The following ADAM7 variants were observed in gnomAD, a reference collection of about 807,000 sequenced individuals.
The protein encoded by ADAM7 is disintegrin and metalloproteinase domain-containing protein 7.
Under a neutral mutation model 102.9 loss-of-function variants are expected in ADAM7, and 97 were observed. The observed-to-expected ratio is 0.94, with a 90% confidence interval of 0.80 to 1.12. ADAM7 has a LOEUF of 1.12. ADAM7 is among the 50% of genes most tolerant of loss of function. The probability of loss-of-function intolerance (pLI) is 0.00; values close to 1 mark genes in which losing one functional copy is unlikely to be tolerated. For missense variants in ADAM7, 991 were observed against 908.7 expected (o/e 1.09, Z -1.16); for synonymous variants, 334 against 304.4 (o/e 1.10, Z -1.01).
chr8:24,476,358 T>A, intron 7 of ADAM7, 75 bp from the exon 8 acceptor site: 1 of 1,111,196 alleles, frequency 9.0e-7, no homozygotes, highest in East Asian at 2.6e-5. Flanking sequence ...TAATAGCTGA[T>A]GAATGAAGTA....
intron 17 of ADAM7, among the ~76,000 whole-genome samples, chr8:24,499,891 A>G (rs1820695670): frequency 6.6e-6 from 1 of 151,914 alleles, no homozygotes; most frequent in Non-Finnish European, 1.5e-5. Flanking sequence ...TATATATCAT[A>G]TATTTACCTG....
In ADAM7 at chr8:24,446,070, A is replaced by G. The variant is rs147241592; in HGVS notation, c.157-1116A>G. 8.9e-3 allele frequency among the ~76,000 whole-genome samples: 1,357 copies of G among 152,292 alleles called. 20 individuals are homozygous for G. Among genetic ancestry groups the G allele is most frequent in the African/African-American group, 0.031 (1,302 of 41,554 alleles). On this transcript the variant is annotated intron_variant, in intron 2 of 21. Coordinates refer to ENST00000175238, the MANE Select transcript of ADAM7 (RefSeq NM_003817.4). ...CACCGTCTACACCATTGTATTTTCC[A>G]TATTATCTCTGTGCCTGAAATAGTA...
intron 7 of ADAM7, among the ~76,000 whole-genome samples, chr8:24,475,636 A>G (rs1819743867): frequency 6.6e-6 from 1 of 152,112 alleles, no homozygotes; most frequent in Non-Finnish European, 1.5e-5. Context: ...ATATCTTAGC[A>G]GTATTTTGAT....
At chr8:24,473,919 T>C (rs1032910396) in intron 7 of ADAM7, among the ~76,000 whole-genome samples, 4 of 152,076 alleles carry the variant, frequency 2.6e-5, no homozygotes, top group African/African-American at 7.2e-5. Flanking sequence ...TACACATACA[T>C]ATAATTCAAC....
rs141140103 is a variant in ADAM7 at position 24,473,808 on chromosome 8, G to A, written c.634-2625G>A. Among the ~76,000 whole-genome samples, 1,180 of 152,096 alleles carry A rather than the reference G, an allele frequency of 7.8e-3. 16 individuals carry two copies. The highest frequency in any genetic ancestry group is 0.027 in the African/African-American group (1,126 of 41,482). ...TTACATGAGAGTGACGGTTTCCTCC[G>A]GTAATGTGAATATTGCTTTGCTTTG... On this transcript the variant is annotated intron_variant, in intron 7 of 21. Transcript: ENST00000175238.
At chr8:24,501,439 T>C (rs375190610) in intron 19 of ADAM7, 38 bp from the exon 20 acceptor site, 90 of 1,466,512 alleles carry the variant, frequency 6.1e-5, no homozygotes, top group East Asian at 5.7e-4. Flanking sequence ...AATAGCCCTA[T>C]ATCTAATAAA....
At chr8:24,485,526 T>C (rs926159823) in intron 10 of ADAM7, among the ~76,000 whole-genome samples, 165 bp downstream of exon 10, 2 of 152,214 alleles carry the variant, frequency 1.3e-5, no homozygotes, top group Admixed American at 6.5e-5. Flanking sequence ...TAAAAATGTT[T>C]TATTGAAAAA....
chr8:24,494,457 T>C lies in ADAM7; in HGVS notation c.1842+1228T>C, dbSNP rs191684571. On this transcript the variant is annotated intron_variant, in intron 16 of 21. Coordinates refer to ENST00000175238, the MANE Select transcript of ADAM7 (RefSeq NM_003817.4). ...TCAGATACGAAAAACCAGCCTGAGA[T>C]ACAAAGTGCTTCCTTCTTTAAGAGT... Among the ~76,000 whole-genome samples the C allele has an allele frequency of 3.5e-4, 53 of 151,598 alleles. 1 individual carries two copies. In the South Asian group the frequency reaches 8.1e-3, roughly 23 times the overall value.
In ADAM7 at chr8:24,466,010, T is replaced by C. The variant is rs547952204; in HGVS notation, c.389+235T>C. 2.0e-5 allele frequency among the ~76,000 whole-genome samples: 3 copies of C among 152,358 alleles called. No individual in the cohort carries two copies. In the East Asian group the frequency reaches 5.8e-4, roughly 29 times the overall value. On this transcript the variant is annotated intron_variant, in intron 5 of 21. Coordinates refer to ENST00000175238, the MANE Select transcript of ADAM7 (RefSeq NM_003817.4). ...TTGCAGTATATGAATAAGGGATTCA[T>C]ATTTGGAAGATTACTGAAAATCATT...
At chr8:24,455,080 A>T (rs1436535772) in intron 3 of ADAM7, among the ~76,000 whole-genome samples, 1 of 152,196 alleles carries the variant, frequency 6.6e-6, no homozygotes, top group Non-Finnish European at 1.5e-5. Context: ...ATTTCAAAAC[A>T]ACCACAAAAT....
At chr8:24,464,941 C>A (rs1157907262) in intron 4 of ADAM7, among the ~76,000 whole-genome samples, 3 of 150,126 alleles carry the variant, frequency 2.0e-5, no homozygotes, top group Admixed American at 6.7e-5. Flanking sequence ...CGCACGCCAC[C>A]GTGCCCAGCT....
intron 7 of ADAM7, among the ~76,000 whole-genome samples, chr8:24,470,806 G>C (rs1290592279): frequency 1.3e-5 from 2 of 152,086 alleles, no homozygotes; most frequent in African/African-American, 4.8e-5. Context: ...TATGTTACTG[G>C]TTTATGTATT....
chr8:24,489,350 CTA>C lies in ADAM7; in HGVS notation c.1266+19_1266+20del. On this transcript the variant is annotated intron_variant, in intron 12 of 21. Transcript: ENST00000175238. ...CCTGCTCAGGTATTTGCAAATGAAG[CTA>C]TCTTTAAATTGCAAAATTTATGATC... The C allele has an allele frequency of 6.3e-7, 1 of 1,590,954 alleles. No homozygotes were observed. The highest frequency in any genetic ancestry group is 1.3e-5 in the African/African-American group (1 of 74,338).
chr8:24,504,023 A>T (rs1054645517), intron 20 of ADAM7, among the ~76,000 whole-genome samples: 16 of 145,698 alleles, frequency 1.1e-4, no homozygotes, highest in African/African-American at 4.1e-4. Context: ...CTTCAAGTAC[A>T]AAAATAAAAT....
chr8:24,497,276 C>G (rs931895767), intron 16 of ADAM7, among the ~76,000 whole-genome samples: 1 of 152,178 alleles, frequency 6.6e-6, no homozygotes, highest in Admixed American at 6.5e-5. Flanking sequence ...ATTGCCCAGT[C>G]TCATGTATGT....
chr8:24,506,657 T>C (rs1204132086), intron 20 of ADAM7, among the ~76,000 whole-genome samples: 1 of 151,630 alleles, frequency 6.6e-6, no homozygotes, highest in Non-Finnish European at 1.5e-5. Flanking sequence ...AACCCTCAGT[T>C]AGATGAAGCT....
rs1412689416 is a variant in ADAM7 at position 24,509,531 on chromosome 8, A to G, written c.*985A>G. ...TTCTAAATAAAAATATTCTGACTCG[A>G]TGAAATAAATAAAGGCTACAAAAGA... On this transcript the variant is annotated 3_prime_UTR_variant, in exon 22 of 22. Coordinates refer to ENST00000175238, the MANE Select transcript of ADAM7 (RefSeq NM_003817.4). The G allele has an allele frequency of 6.1e-6, 6 of 984,366 alleles. No individual in the cohort carries two copies. The African/African-American group carries it at 1.0e-4, about 17-fold the overall frequency. The allele number at this position is 984,366 out of a possible 1,614,324, so 61.0% of individuals were successfully genotyped here.
intron 3 of ADAM7, among the ~76,000 whole-genome samples, chr8:24,456,744 T>G (rs1368826977): frequency 6.6e-6 from 1 of 152,132 alleles, no homozygotes; most frequent in Admixed American, 6.5e-5. Context: ...TTTAGCATAC[T>G]GATATTGAGA....
chr8:24,501,384 A>G (rs1263427490), intron 19 of ADAM7, 93 bp from the exon 20 acceptor site: 19 of 889,718 alleles, frequency 2.1e-5, no homozygotes, highest in African/African-American at 3.5e-5. Flanking sequence ...AATTTTTGAA[A>G]TATAAAAATT....
Sources: gnomAD v4.1 joint callset for allele counts (sites outside exome capture counted in the v4.1 genomes callset) on GRCh38, gnomAD v4.1.1 for gene constraint, MANE v1.5 for transcripts, NCBI Gene and HGNC (gene_info 2026-07-23, HGNC 2026-07-21) for gene names.